The following COL24A1 variants were observed in gnomAD, a reference collection of about 807,000 sequenced individuals.
The protein encoded by COL24A1 is collagen type XXIV alpha 1 chain.
Under a neutral mutation model 253.9 loss-of-function variants are expected in COL24A1, and 224 were observed. That is an observed-to-expected ratio of 0.88 (90% CI 0.79 to 0.99). The LOEUF (loss-of-function observed/expected upper bound fraction) is 0.99, where lower values mean the gene tolerates loss of function less well. Ranked by LOEUF, COL24A1 falls within the 50% of genes least tolerant of loss-of-function variation. COL24A1 has a pLI of 0.00. For synonymous variants in COL24A1, 685 were observed against 673.7 expected, an observed-to-expected ratio of 1.02 and a Z score of -0.26; for missense variants, 2,131 against 2,068.5, an observed-to-expected ratio of 1.03 and a Z score of -0.59.
At chr1:85,847,092 G>A (rs1677217202) in intron 39 of COL24A1, among the ~76,000 whole-genome samples, 1 of 152,078 alleles carries the variant, frequency 6.6e-6, no homozygotes, top group Non-Finnish European at 1.5e-5. Context: ...TTCAGAACAG[G>A]TCTAAATACA....
At chr1:86,113,069 C>T (rs560988265) in intron 4 of COL24A1, among the ~76,000 whole-genome samples, 1 of 152,286 alleles carries the variant, frequency 6.6e-6, no homozygotes, top group East Asian at 1.9e-4. Context: ...GCACTTAACA[C>T]ATTGAATGGT....
At chr1:86,131,200 A>G (rs1256076753) in intron 2 of COL24A1, among the ~76,000 whole-genome samples, 1 of 152,010 alleles carries the variant, frequency 6.6e-6, no homozygotes, top group Non-Finnish European at 1.5e-5. Context: ...TTTGAAATGC[A>G]GGAATTTTAT....
chr1:86,038,666 TAAAGATACTAC>T (rs1699217109), intron 12 of COL24A1, among the ~76,000 whole-genome samples: 1 of 152,150 alleles, frequency 6.6e-6, no homozygotes, highest in Non-Finnish European at 1.5e-5. Flanking sequence ...AGCTAGGTCA[TAAAGATACTAC>T]AGCTATCACC....
At chr1:85,902,799 C>T (rs1684445974) in intron 28 of COL24A1, among the ~76,000 whole-genome samples, 1 of 152,018 alleles carries the variant, frequency 6.6e-6, no homozygotes, top group African/African-American at 2.4e-5. Context: ...TTAGTGGGTA[C>T]AAACATGCAA....
chr1:86,025,393 T>C (rs959902039), intron 14 of COL24A1, among the ~76,000 whole-genome samples: 1 of 152,110 alleles, frequency 6.6e-6, no homozygotes, highest in Non-Finnish European at 1.5e-5. Flanking sequence ...TTATTTGTAT[T>C]AAAAAGAGCA....
chr1:86,054,050 C>T (rs990991835), intron 10 of COL24A1, among the ~76,000 whole-genome samples: 1 of 152,032 alleles, frequency 6.6e-6, no homozygotes, highest in Non-Finnish European at 1.5e-5. Context: ...GGAAAGAATA[C>T]CCTGTTCAAT....
intron 24 of COL24A1, among the ~76,000 whole-genome samples, chr1:85,933,087 T>TAAAAAAAAAA (rs747954578): frequency 8.1e-6 from 1 of 123,628 alleles, no homozygotes; most frequent in African/African-American, 3.2e-5. Flanking sequence ...TAGAGTATAA[T>TAAAAAAAAAA]AAAAAAAAAA....
chr1:86,151,046 G>A (rs1469388497), intron 1 of COL24A1, among the ~76,000 whole-genome samples: 1 of 152,038 alleles, frequency 6.6e-6, no homozygotes, highest in African/African-American at 2.4e-5. Flanking sequence ...ATATAGGTGT[G>A]TGTGTGTGTG....
chr1:85,777,420 CATATT>C (rs1190654447), intron 52 of COL24A1, among the ~76,000 whole-genome samples: 1 of 151,938 alleles, frequency 6.6e-6, no homozygotes, highest in African/African-American at 2.4e-5. Flanking sequence ...ATATTGGAAT[CATATT>C]ATATACTCTT....
At chr1:86,060,579 ATC>A (rs988970260) in intron 8 of COL24A1, among the ~76,000 whole-genome samples, 8 of 152,082 alleles carry the variant, frequency 5.3e-5, no homozygotes, top group African/African-American at 1.9e-4. Context: ...TTCAGAATTC[ATC>A]TCTCACTTTT....
chr1:85,913,692 C>A (rs1685591339), intron 24 of COL24A1, among the ~76,000 whole-genome samples: 1 of 152,174 alleles, frequency 6.6e-6, no homozygotes, highest in South Asian at 2.1e-4. Context: ...GGGACCTTCA[C>A]AATGGAGGTA....
intron 26 of COL24A1, 56 bp downstream of exon 26, chr1:85,909,894 G>A (rs375523275): frequency 3.6e-5 from 50 of 1,407,822 alleles, no homozygotes; most frequent in Admixed American, 1.2e-4. Flanking sequence ...TCTCTGGAAC[G>A]ACTTGCTTTT....
rs947948506 is a variant in COL24A1, at chr1:85,817,448, A to AT, written c.3844-554dup. 4.7e-5 allele frequency among the ~76,000 whole-genome samples: 7 copies of AT among 148,624 alleles called. 1 individual carries two copies. The highest frequency in any genetic ancestry group is 1.5e-4 in the African/African-American group (6 of 40,260). On this transcript the variant is annotated intron_variant, in intron 46 of 59. Transcript: ENST00000370571. ...CTTATAATTTACATTCATTTTCTCTATTTTTTTTTCAAGCCAATACAAGTC... is the reference window on the plus strand; with the variant it reads ...CTTATAATTTACATTCATTTTCTCTATTTTTTTTTTCAAGCCAATACAAGTC...
chr1:86,102,240 T>C (rs1704533076), intron 5 of COL24A1, among the ~76,000 whole-genome samples: 1 of 152,120 alleles, frequency 6.6e-6, no homozygotes, highest in Admixed American at 6.5e-5. Context: ...AATATCCCCT[T>C]TGTTGTTTCT....
intron 18 of COL24A1, among the ~76,000 whole-genome samples, chr1:86,020,129 G>T (rs583203): frequency 7.1e-6 from 1 of 141,530 alleles, no homozygotes; most frequent in South Asian, 2.3e-4. Context: ...GTCCAGTGGC[G>T]CAATCTTGAC....
chr1:86,152,098 A>G (rs746266282), intron 1 of COL24A1, among the ~76,000 whole-genome samples: 1 of 152,212 alleles, frequency 6.6e-6, no homozygotes, highest in Non-Finnish European at 1.5e-5. Flanking sequence ...CTGAAAAAAG[A>G]GTTTTCATCA....
At chr1:85,825,661 T>C (rs1674218830) in intron 43 of COL24A1, among the ~76,000 whole-genome samples, 1 of 150,336 alleles carries the variant, frequency 6.7e-6, no homozygotes, top group African/African-American at 2.5e-5. Flanking sequence ...GATTTGCATT[T>C]CTCTGATGGC....
chr1:85,863,099 A>G (rs1488959294), intron 37 of COL24A1, among the ~76,000 whole-genome samples: 2 of 152,210 alleles, frequency 1.3e-5, no homozygotes, highest in African/African-American at 4.8e-5. Flanking sequence ...GAGTTCACTC[A>G]TGATTTAGCT....
At chr1:86,101,581 G>A (rs2102048760) in intron 5 of COL24A1, among the ~76,000 whole-genome samples, 1 of 152,222 alleles carries the variant, frequency 6.6e-6, no homozygotes, top group South Asian at 2.1e-4. Flanking sequence ...GGTTTATTGA[G>A]AGTTTTTAAC....
Sources: allele counts gnomAD v4.1 joint callset (sites outside exome capture counted in the v4.1 genomes callset), GRCh38; gene constraint gnomAD v4.1.1; transcripts MANE v1.5; gene names NCBI Gene and HGNC (gene_info 2026-07-23, HGNC 2026-07-21).